Variants in EIF4G3 observed in about 807,000 individuals in gnomAD.
The protein encoded by EIF4G3 is eukaryotic translation initiation factor 4 gamma 3.
EIF4G3 carries 34 observed loss-of-function variants against 186.4 expected under a neutral mutation model. That is an observed-to-expected ratio of 0.18 (90% confidence interval 0.14 to 0.24). The LOEUF (loss-of-function observed/expected upper bound fraction) is 0.24, where lower values mean the gene tolerates loss of function less well. EIF4G3 is among the 10% of genes least tolerant of loss of function. The pLI is 1.00. For synonymous variants in EIF4G3, 673 were observed against 679.5 expected, an observed-to-expected ratio of 0.99 and a Z score of 0.15; for missense variants, 1,536 against 1,948.5, an observed-to-expected ratio of 0.79 and a Z score of 3.99.
chr1:20,829,149 G>C lies in EIF4G3; in HGVS notation c.4185C>G (p.Thr1395=). Residue 1395 remains threonine, a splice_region_variant and synonymous_variant, in exon 31 of 37, where the codon ACC becomes ACG. Coordinates refer to ENST00000602326, the MANE Select transcript of EIF4G3 (RefSeq NM_001391906.1). ...CAAGAGAAACAAGTATAACTTACATGGTAAGTTCTCTCATGGAGATTCCAC... is the reference window on the plus strand; with the variant it reads ...CAAGAGAAACAAGTATAACTTACATCGTAAGTTCTCTCATGGAGATTCCAC... The part of the protein sequence containing the change: ...KEGGISMREL[T]IEFSKPLLPV... The C allele has an allele frequency of 6.2e-7, 1 of 1,613,158 alleles. No homozygotes were observed. Among genetic ancestry groups the C allele is most frequent in the African/African-American group, 1.3e-5 (1 of 74,960 alleles).
At chr1:21,012,191 C>T (rs548033960) in intron 4 of EIF4G3, among the ~76,000 whole-genome samples, 20 of 152,260 alleles carry the variant, frequency 1.3e-4, no homozygotes, top group African/African-American at 4.1e-4. Flanking sequence ...ATCCAACATT[C>T]TCATTCCTAA....
At position 20,997,484 on chromosome 1, in the gene EIF4G3, C is replaced by CTCATT. The variant is rs2082541246; in HGVS notation, c.177+116_177+117insAATGA. On this transcript the variant is annotated intron_variant, in intron 7 of 36. Transcript: ENST00000602326. ...GCTGAATTATATCAGATAAAAGCTA[C>CTCATT]TCTTGAAATGAGTAATTTGAGTAGT... The CTCATT allele has an allele frequency of 8.0e-6, 8 of 999,158 alleles. No homozygotes were observed. In the South Asian group the frequency reaches 1.1e-4, roughly 14 times the overall value. 61.9% of individuals were successfully genotyped at this position (999,158 alleles called of 1,614,324 possible).
rs556111092 is a variant in EIF4G3, at chr1:20,952,754, G to A, written c.715-2643C>T. Among the ~76,000 whole-genome samples, 169 of 152,230 alleles carry A rather than the reference G, an allele frequency of 1.1e-3. 1 individual carries two copies. Among genetic ancestry groups the A allele is most frequent in the African/African-American group, 3.9e-3 (164 of 41,566 alleles). ...AATTCCAGCTATTCGGGAGGCTGAG[G>A]CAGGAGAATTGCTTGAACCCAGGAG... On this transcript the variant is annotated intron_variant, in intron 12 of 36. Transcript: ENST00000602326.
chr1:20,920,893 A>G (rs1034920809), intron 14 of EIF4G3, among the ~76,000 whole-genome samples: 1 of 152,200 alleles, frequency 6.6e-6, no homozygotes, highest in Admixed American at 6.5e-5. Context: ...AGAGAAAGCT[A>G]AAGTCCCAAT....
At chr1:21,022,146 T>G (rs2090876406) in intron 4 of EIF4G3, among the ~76,000 whole-genome samples, 1 of 152,170 alleles carries the variant, frequency 6.6e-6, no homozygotes, top group Admixed American at 6.5e-5. Flanking sequence ...TATGGATAAT[T>G]TAAAGGCTAT....
At chr1:20,862,369 A>G (rs2076555115) in intron 22 of EIF4G3, 37 bp from the exon 23 acceptor site, 2 of 1,261,620 alleles carry the variant, frequency 1.6e-6, no homozygotes, top group African/African-American at 3.0e-5. Flanking sequence ...CCTGTCTGAG[A>G]AACTTAAACG....
At chr1:20,853,698 G>GA in intron 26 of EIF4G3, 21 bp from the exon 27 acceptor site, 1 of 1,553,342 alleles carries the variant, frequency 6.4e-7, no homozygotes, top group Non-Finnish European at 8.9e-7. Context: ...CGAGGATTTA[G>GA]AAAAAAATAC....
chr1:20,904,760 T>C, intron 15 of EIF4G3, 123 bp downstream of exon 15: 1 of 536,632 alleles, frequency 1.9e-6, no homozygotes, highest in South Asian at 4.4e-5. Flanking sequence ...TTAAAACAAT[T>C]AGTCTCTGAG....
At chr1:21,110,233 T>G (rs996995122) in intron 2 of EIF4G3, among the ~76,000 whole-genome samples, 2 of 152,196 alleles carry the variant, frequency 1.3e-5, no homozygotes, top group African/African-American at 4.8e-5. Flanking sequence ...ACCAACATTC[T>G]ACAGGGAGCT....
At chr1:20,962,375 C>T (rs1352202436) in intron 12 of EIF4G3, among the ~76,000 whole-genome samples, 1 of 152,106 alleles carries the variant, frequency 6.6e-6, no homozygotes, top group Non-Finnish European at 1.5e-5. Context: ...AGAAAACCAT[C>T]AGGAAGAGAA....
chr1:20,838,147 A>AT (rs1405987581), intron 30 of EIF4G3, among the ~76,000 whole-genome samples: 2 of 152,224 alleles, frequency 1.3e-5, no homozygotes, highest in East Asian at 1.9e-4. Flanking sequence ...TGGTTATGAT[A>AT]TTTTTTCTTC....
intron 2 of EIF4G3, chr1:21,175,622 C>G (rs958637949): frequency 6.6e-6 from 1 of 152,214 alleles, no homozygotes; most frequent in Non-Finnish European, 1.5e-5. Context: ...TCCAGAGGAA[C>G]TGCTTTCTGT....
chr1:21,109,964 G>C (rs958042208), intron 2 of EIF4G3, among the ~76,000 whole-genome samples: 1 of 151,788 alleles, frequency 6.6e-6, no homozygotes, highest in Non-Finnish European at 1.5e-5. Context: ...TTTGTATTTT[G>C]GGTAGAGATG....
intron 2 of EIF4G3, among the ~76,000 whole-genome samples, chr1:21,157,376 GT>G (rs112805240): frequency 3.3e-5 from 5 of 149,820 alleles, no homozygotes; most frequent in South Asian, 2.1e-4. Flanking sequence ...TTTTTTGTTT[GT>G]TTTTTTTTAA....
chr1:21,124,108 T>C (rs1243661078), intron 2 of EIF4G3, among the ~76,000 whole-genome samples: 1 of 151,910 alleles, frequency 6.6e-6, no homozygotes, highest in Admixed American at 6.6e-5. Context: ...CTAGCCAACA[T>C]GATGAAACCC....
chr1:21,143,779 G>A (rs7546757), intron 2 of EIF4G3, among the ~76,000 whole-genome samples: 5 of 152,090 alleles, frequency 3.3e-5, no homozygotes, highest in Non-Finnish European at 7.4e-5. Flanking sequence ...TAAATTACCT[G>A]GGTGTGGTGG....
intron 2 of EIF4G3, among the ~76,000 whole-genome samples, chr1:21,164,236 A>C (rs555871943): frequency 1.3e-5 from 2 of 152,352 alleles, no homozygotes; most frequent in African/African-American, 4.8e-5. Context: ...GGACAGCAAA[A>C]CAGTCAAATG....
At chr1:21,057,589 T>C (rs2094622043) in intron 3 of EIF4G3, among the ~76,000 whole-genome samples, 1 of 152,158 alleles carries the variant, frequency 6.6e-6, no homozygotes, top group African/African-American at 2.4e-5. Flanking sequence ...TTTTTAAAGC[T>C]GGTTTAAAAT....
chr1:21,166,939 G>A (rs918166237), intron 2 of EIF4G3, among the ~76,000 whole-genome samples: 2 of 151,614 alleles, frequency 1.3e-5, no homozygotes, highest in Non-Finnish European at 2.9e-5. Context: ...GTGCAACCGC[G>A]CCTGGCTAAT....
Sources: allele counts gnomAD v4.1 joint callset (sites outside exome capture counted in the v4.1 genomes callset), GRCh38; gene constraint gnomAD v4.1.1; transcripts MANE v1.5; gene names NCBI Gene and HGNC (gene_info 2026-07-23, HGNC 2026-07-21).